VSTM2L: variants seen among roughly 807,000 people sequenced by gnomAD.
The protein encoded by VSTM2L is V-set and transmembrane domain containing 2 like.
In VSTM2L, 9 loss-of-function variants were observed where a neutral mutation model predicts 19.9. The observed-to-expected ratio is 0.45, with a 90% confidence interval of 0.27 to 0.79. VSTM2L has a LOEUF of 0.79. VSTM2L is among the 30% of genes least tolerant of loss of function. The pLI, the probability that VSTM2L is intolerant of heterozygous loss-of-function variation, is 0.15. For synonymous variants in VSTM2L, 127 were observed against 133.8 expected, an observed-to-expected ratio of 0.95 and a Z score of 0.35; for missense variants, 286 against 295.5, an observed-to-expected ratio of 0.97 and a Z score of 0.24.
chr20:37,909,364 T>C (rs990999981), intron 1 of VSTM2L, among the ~76,000 whole-genome samples: 1 of 152,146 alleles, frequency 6.6e-6, no homozygotes, highest in African/African-American at 2.4e-5. Flanking sequence ...GAAGACTCTC[T>C]CAGTCCTGAA....
Position 37,945,031 on chromosome 20 carries a change from G to GC in VSTM2L, c.*784dup. On this transcript the variant is annotated 3_prime_UTR_variant, in exon 4 of 4. Transcript: ENST00000373461. ...CTCTCCCAGGAGTCCCCCTCTGCCG[G>GC]CCCCCCAATGCCCCAGCTCCCTCTT... The GC allele has an allele frequency of 1.0e-6, 1 of 985,760 alleles. No individual in the cohort carries two copies. The highest frequency in any genetic ancestry group is 1.2e-6 in the Non-Finnish European group (1 of 829,948). The allele number at this position is 985,760 out of a possible 1,614,324, so 61.1% of individuals were successfully genotyped here.
Position 37,944,366 on chromosome 20 carries a change from C to T in VSTM2L, c.*113C>T. ...TCCAGCCGCGCCCCATCCCCGAGGCCGCCTGTGGCCACCATGTCGGCCCTC... is the reference window on the plus strand; with the variant it reads ...TCCAGCCGCGCCCCATCCCCGAGGCTGCCTGTGGCCACCATGTCGGCCCTC... On this transcript the variant is annotated 3_prime_UTR_variant, in exon 4 of 4. Coordinates refer to ENST00000373461, the MANE Select transcript of VSTM2L (RefSeq NM_080607.3). 2 of 1,280,178 alleles carry T rather than the reference C, an allele frequency of 1.6e-6. No individual in the cohort carries two copies. Among genetic ancestry groups the T allele is most frequent in the Non-Finnish European group, 2.0e-6 (2 of 986,940 alleles). The allele number at this position is 1,280,178 out of a possible 1,614,324, so 79.3% of individuals were successfully genotyped here. A position where few individuals can be genotyped will look rare whatever the true frequency, so the allele number is the denominator to read the frequency against.
Position 37,933,578 on chromosome 20 carries a change from A to C in VSTM2L, c.331A>C (p.Thr111Pro), listed in dbSNP as rs1266125727. 6.2e-7 allele frequency: 1 copy of C among 1,614,002 alleles called. No individual in the cohort carries two copies. The highest frequency in any genetic ancestry group is 8.5e-7 in the Non-Finnish European group (1 of 1,180,004). ...SQQEDAGKEATKISVVKVVGS... is the reference protein window; with the variant it reads ...SQQEDAGKEAPKISVVKVVGS... ...GCAGGAAGACGCAGGGAAGGAGGCA[A>C]CCAAAATAAGTGTGAGTTTTGATAA... The change falls in exon 3 of 4, where the codon ACC (threonine) becomes CCC (proline). Residue 111 changes from threonine (T) to proline (P), a missense_variant. Physicochemically the swap from Thr to Pro is conservative, Grantham distance 38. Coordinates refer to ENST00000373461, the MANE Select transcript of VSTM2L (RefSeq NM_080607.3).
intron 1 of VSTM2L, among the ~76,000 whole-genome samples, chr20:37,915,759 C>T (rs1209832014): frequency 6.6e-6 from 1 of 151,784 alleles, no homozygotes; most frequent in Admixed American, 6.6e-5. Flanking sequence ...GTACTAGGTC[C>T]TGGGTGGGGG....
intron 1 of VSTM2L, among the ~76,000 whole-genome samples, chr20:37,908,479 A>T (rs1473826661): frequency 2.0e-5 from 3 of 152,218 alleles, no homozygotes; most frequent in Non-Finnish European, 2.9e-5. Context: ...CCTGGAGGGT[A>T]CTTCTTGGCT....
intron 1 of VSTM2L, among the ~76,000 whole-genome samples, chr20:37,909,749 G>A (rs8122879): frequency 0.012 from 1,888 of 152,212 alleles, 39 homozygotes; most frequent in African/African-American, 0.044. Flanking sequence ...TGAGGATGGG[G>A]GAGTCCAAGG....
chr20:37,921,707 A>G (rs560657158), intron 1 of VSTM2L, among the ~76,000 whole-genome samples: 53 of 151,738 alleles, frequency 3.5e-4, no homozygotes, highest in Middle Eastern at 3.4e-3. Context: ...AGGGTGGGGG[A>G]GAAGGGAGGG....
intron 1 of VSTM2L, among the ~76,000 whole-genome samples, chr20:37,925,470 C>T (rs1399570451): frequency 6.6e-6 from 1 of 152,190 alleles, no homozygotes; most frequent in East Asian, 1.9e-4. Context: ...CCTTGGCTCC[C>T]AGTCCAATGC....
At chr20:37,926,487 G>A (rs2072879926) in intron 1 of VSTM2L, among the ~76,000 whole-genome samples, 2 of 152,156 alleles carry the variant, frequency 1.3e-5, no homozygotes, top group African/African-American at 2.4e-5. Flanking sequence ...AGGTTGCAGT[G>A]AGCCGAGATC....
chr20:37,924,789 T>C (rs1295915335), intron 1 of VSTM2L, among the ~76,000 whole-genome samples: 2 of 152,154 alleles, frequency 1.3e-5, no homozygotes, highest in African/African-American at 2.4e-5. Context: ...ACCCTGTTGC[T>C]GATTGAGCTG....
rs78923068 is a variant in VSTM2L, at chr20:37,925,873, C to G, written c.122-5762C>G. ...CCTACCTGAAGCCCCTCCCTGCTCC[C>G]GGCTCTACTACCTAGCCTACTGGGG... On this transcript the variant is annotated intron_variant, in intron 1 of 3. Coordinates refer to ENST00000373461, the MANE Select transcript of VSTM2L (RefSeq NM_080607.3). Among the ~76,000 whole-genome samples, 42 of 152,298 alleles carry G rather than the reference C, an allele frequency of 2.8e-4. No individual in the cohort carries two copies. In the South Asian group the frequency reaches 5.8e-3, roughly 21 times the overall value.
chr20:37,944,201 C>T lies in VSTM2L; in HGVS notation c.563C>T (p.Pro188Leu). 2 of 1,538,394 alleles carry T rather than the reference C, an allele frequency of 1.3e-6. No homozygotes were observed. The highest frequency in any genetic ancestry group is 1.8e-6 in the Non-Finnish European group (2 of 1,139,918). Reference protein sequence around the residue: ...PAAPAPPPPKPGKELRKRSVD... With the variant: ...PAAPAPPPPKLGKELRKRSVD... ...GCGCCCGCCCCGCCGCCCCCCAAGC[C>T]AGGCAAGGAGCTGAGGAAGCGCTCG... The change falls in exon 4 of 4, where the codon CCA becomes CTA. Residue 188 changes from proline to leucine, a missense_variant. By Grantham distance (98) the Pro-to-Leu change is moderately conservative. Coordinates refer to ENST00000373461, the MANE Select transcript of VSTM2L (RefSeq NM_080607.3).
At chr20:37,915,028 G>T (rs2072809411) in intron 1 of VSTM2L, among the ~76,000 whole-genome samples, 1 of 152,236 alleles carries the variant, frequency 6.6e-6, no homozygotes, top group South Asian at 2.1e-4. Context: ...GGGCCTGCTC[G>T]CTGGGGAGCT....
In VSTM2L at chr20:37,906,713, T is replaced by G. The variant is rs75250200; in HGVS notation, c.121+3242T>G. Among the ~76,000 whole-genome samples the G allele has an allele frequency of 5.8e-4, 88 of 152,312 alleles. 1 individual carries two copies. In the East Asian group the frequency reaches 0.016, roughly 27 times the overall value. On this transcript the variant is annotated intron_variant, in intron 1 of 3. Transcript: ENST00000373461. Reference sequence around the variant, plus strand: ...GGGACTGCCTCCTCCAGAACAGCCTTGAGGCAGGCTTGGCCATGGCGTCTT... The same window carrying G: ...GGGACTGCCTCCTCCAGAACAGCCTGGAGGCAGGCTTGGCCATGGCGTCTT...
intron 1 of VSTM2L, among the ~76,000 whole-genome samples, chr20:37,926,937 T>C (rs1209818919): frequency 6.6e-6 from 1 of 152,242 alleles, no homozygotes; most frequent in Non-Finnish European, 1.5e-5. Context: ...TTTCCATGAC[T>C]TAACACAAAA....
Position 37,930,608 on chromosome 20 carries a change from T to G in VSTM2L, c.122-1027T>G, listed in dbSNP as rs2072902820. 2.0e-5 allele frequency among the ~76,000 whole-genome samples: 3 copies of G among 151,810 alleles called. No individual in the cohort carries two copies. The South Asian group carries it at 6.2e-4, about 32-fold the overall frequency. ...GGGAGACGGGAGACAGAACATATGG[T>G]GGGGAGGGGCGCTGGGCCACATGAA... On this transcript the variant is annotated intron_variant, in intron 1 of 3. Coordinates refer to ENST00000373461, the MANE Select transcript of VSTM2L (RefSeq NM_080607.3).
intron 3 of VSTM2L, among the ~76,000 whole-genome samples, chr20:37,941,586 G>C (rs2072972421): frequency 6.6e-6 from 1 of 152,190 alleles, no homozygotes; most frequent in Non-Finnish European, 1.5e-5. Flanking sequence ...TGACCAGCAG[G>C]GGCATCCCAC....
chr20:37,904,526 C>G (rs773955082), intron 1 of VSTM2L, among the ~76,000 whole-genome samples: 1 of 152,222 alleles, frequency 6.6e-6, no homozygotes, highest in Non-Finnish European at 1.5e-5. Flanking sequence ...CCCCTGACCC[C>G]TGTGAGCCTG....
intron 1 of VSTM2L, among the ~76,000 whole-genome samples, chr20:37,930,179 T>G (rs1000021314): frequency 4.6e-5 from 7 of 152,244 alleles, no homozygotes; most frequent in Non-Finnish European, 8.8e-5. Context: ...CAAGTAGGGC[T>G]GCACATGGAA....
Sources: gnomAD v4.1 joint callset for allele counts (sites outside exome capture counted in the v4.1 genomes callset) on GRCh38, gnomAD v4.1.1 for gene constraint, MANE v1.5 for transcripts, NCBI Gene and HGNC (gene_info 2026-07-23, HGNC 2026-07-21) for gene names.